SH3RF2: variants seen among roughly 807,000 people sequenced by gnomAD.
The protein encoded by SH3RF2 is E3 ubiquitin-protein ligase SH3RF2.
SH3RF2 carries 43 observed loss-of-function variants against 59.0 expected under a neutral mutation model. The ratio of observed to expected loss-of-function variants is 0.73; its 90% confidence interval spans 0.57 to 0.94. The LOEUF (loss-of-function observed/expected upper bound fraction) is 0.94. Among genes scored for constraint, SH3RF2 ranks in the 40% least tolerant of loss-of-function variants. The pLI is 0.00. For synonymous variants in SH3RF2, 391 were observed against 391.5 expected (o/e 1.00, Z 0.01); for missense variants, 930 against 940.1 (o/e 0.99, Z 0.14).
intron 6 of SH3RF2, among the ~76,000 whole-genome samples, chr5:146,048,761 C>T (rs960850199): frequency 1.5e-4 from 23 of 152,276 alleles, no homozygotes; most frequent in African/African-American, 4.6e-4. Context: ...ATTGTCTTTA[C>T]CCCCTGACTC....
At chr5:146,069,833 C>G (rs1416086046) in intron 9 of SH3RF2, among the ~76,000 whole-genome samples, 1 of 152,098 alleles carries the variant, frequency 6.6e-6, no homozygotes, top group African/African-American at 2.4e-5. Flanking sequence ...CTCACCCTCC[C>G]AAAGTGCTGA....
At position 146,062,907 on chromosome 5, in the gene SH3RF2, A is replaced by T; in HGVS notation, c.*206A>T. ...GGCGTGGCCTTCCAAACATACAAAC[A>T]TAATGATTTGATGCCACAAAGCTCG... On this transcript the variant is annotated 3_prime_UTR_variant, in exon 10 of 10. Coordinates refer to ENST00000359120, the MANE Select transcript of SH3RF2 (RefSeq NM_152550.4). The T allele has an allele frequency of 1.5e-6, 1 of 653,140 alleles. No individual in the cohort carries two copies. Among genetic ancestry groups the T allele is most frequent in the South Asian group, 2.0e-5 (1 of 49,140 alleles). 40.5% of individuals were successfully genotyped at this position (653,140 alleles called of 1,614,324 possible).
intron 2 of SH3RF2, among the ~76,000 whole-genome samples, chr5:145,982,743 T>G (rs1304637520): frequency 3.9e-5 from 6 of 152,178 alleles, no homozygotes; most frequent in Non-Finnish European, 8.8e-5. Context: ...TCAACACCAC[T>G]GGTCAAATTC....
intron 9 of SH3RF2, 90 bp from the exon 10 acceptor site, chr5:146,062,336 C>T: frequency 6.7e-7 from 1 of 1,486,872 alleles, no homozygotes; most frequent in East Asian, 2.3e-5. Context: ...AGAATGAACA[C>T]ATAAATGAGA....
downstream of SH3RF2, among the ~76,000 whole-genome samples, chr5:146,067,544 A>G (rs867347830): frequency 5.3e-5 from 8 of 152,160 alleles, no homozygotes; most frequent in African/African-American, 1.9e-4. Context: ...TGGGCCCTAG[A>G]GAGTCTCACT....
intron 2 of SH3RF2, among the ~76,000 whole-genome samples, chr5:145,985,873 G>A (rs1034065385): frequency 2.0e-5 from 3 of 152,050 alleles, no homozygotes; most frequent in East Asian, 1.9e-4. Flanking sequence ...GCATGGTGGA[G>A]TGTGCCTGTA....
chr5:146,067,965 AC>A (rs1312209168), downstream of SH3RF2, among the ~76,000 whole-genome samples: 2 of 152,112 alleles, frequency 1.3e-5, no homozygotes, highest in African/African-American at 4.8e-5. Context: ...ACAGTGTAGG[AC>A]CCAGAGAGGT....
chr5:146,020,614 T>A (rs1029458284), intron 5 of SH3RF2, among the ~76,000 whole-genome samples: 1 of 152,224 alleles, frequency 6.6e-6, no homozygotes, highest in Non-Finnish European at 1.5e-5. Context: ...TTTATACTTG[T>A]GTTGTAACAT....
intron 9 of SH3RF2, among the ~76,000 whole-genome samples, chr5:146,068,629 C>A (rs1220139513): frequency 1.3e-5 from 2 of 152,272 alleles, no homozygotes; most frequent in Non-Finnish European, 2.9e-5. Context: ...CATACAAGGA[C>A]ATTTTACTTG....
chr5:145,969,745 A>T (rs1013800263), intron 2 of SH3RF2, among the ~76,000 whole-genome samples: 5 of 152,118 alleles, frequency 3.3e-5, no homozygotes, highest in South Asian at 2.1e-4. Flanking sequence ...TAAAAAAAAA[A>T]AAATAAAGTG....
chr5:146,003,066 G>A (rs979015077), intron 3 of SH3RF2, among the ~76,000 whole-genome samples: 1 of 152,204 alleles, frequency 6.6e-6, no homozygotes, highest in Admixed American at 6.5e-5. Context: ...GGAACAGAAT[G>A]TCAGAGAGAT....
At chr5:145,998,379 A>T (rs1357231413) in intron 2 of SH3RF2, among the ~76,000 whole-genome samples, 2 of 152,092 alleles carry the variant, frequency 1.3e-5, no homozygotes, top group South Asian at 2.1e-4. Context: ...GTATAATCAT[A>T]TATTTCTGCT....
chr5:146,054,214 G>A (rs1227764707), intron 7 of SH3RF2, among the ~76,000 whole-genome samples: 1 of 152,158 alleles, frequency 6.6e-6, no homozygotes, highest in East Asian at 1.9e-4. Context: ...GTGTTGGATG[G>A]GAGACTTGGG....
intron 2 of SH3RF2, among the ~76,000 whole-genome samples, chr5:145,939,503 C>G (rs7731746): frequency 0.21 from 32,262 of 152,098 alleles, 4,882 homozygotes; most frequent in African/African-American, 0.42. Context: ...CCACCCATGG[C>G]GCATGTGTAA....
At chr5:146,016,388 ATG>A (rs1761105572) in intron 5 of SH3RF2, among the ~76,000 whole-genome samples, 1 of 151,832 alleles carries the variant, frequency 6.6e-6, no homozygotes, top group African/African-American at 2.4e-5. Flanking sequence ...GGATGGATGG[ATG>A]GATGGATGGA....
At chr5:146,000,379 G>A (rs1760361721) in intron 3 of SH3RF2, 52 bp downstream of exon 3, 2 of 1,518,276 alleles carry the variant, frequency 1.3e-6, no homozygotes, top group Admixed American at 2.6e-5. Context: ...AGAGACCATA[G>A]CAGAACAGAG....
chr5:146,054,381 G>T (rs756709239), intron 7 of SH3RF2, among the ~76,000 whole-genome samples: 5 of 151,708 alleles, frequency 3.3e-5, no homozygotes, highest in African/African-American at 1.2e-4. Flanking sequence ...CTACTGCTGC[G>T]AAAAAATTTG....
intron 2 of SH3RF2, chr5:145,997,155 T>A: frequency 1.4e-6 from 1 of 689,968 alleles, no homozygotes; most frequent in African/African-American, 1.8e-5. Flanking sequence ...AGACTTCCTG[T>A]TGCTCCTCAT....
exon 10 of SH3RF2, chr5:146,081,092 C>A (rs1763419056): frequency 6.6e-6 from 1 of 152,172 alleles, no homozygotes. Flanking sequence ...GCCACCATGC[C>A]CGGCCTGGAA....
Sources: gnomAD v4.1 joint callset for allele counts (sites outside exome capture counted in the v4.1 genomes callset) on GRCh38, gnomAD v4.1.1 for gene constraint, MANE v1.5 for transcripts, NCBI Gene and HGNC (gene_info 2026-07-23, HGNC 2026-07-21) for gene names.